The following ROBO2 variants were observed in gnomAD, a reference collection of about 807,000 sequenced individuals.
ROBO2 encodes roundabout homolog 2.
Under a neutral mutation model 160.8 loss-of-function variants are expected in ROBO2, and 53 were observed. The observed-to-expected ratio is 0.33, with a 90% confidence interval of 0.26 to 0.41. The LOEUF (loss-of-function observed/expected upper bound fraction) is 0.41. Among genes scored for constraint, ROBO2 ranks in the 10% least tolerant of loss-of-function variants. ROBO2 has a pLI of 1.00. For synonymous variants in ROBO2, 664 were observed against 611.7 expected, an observed-to-expected ratio of 1.09 and a Z score of -1.26; for missense variants, 1,577 against 1,722.4, an observed-to-expected ratio of 0.92 and a Z score of 1.49.
chr3:76,256,158 A>T (rs1299351563), intron 2 of ROBO2, among the ~76,000 whole-genome samples: 3 of 151,862 alleles, frequency 2.0e-5, no homozygotes, highest in Non-Finnish European at 2.9e-5. Flanking sequence ...ATAATAATAA[A>T]AAATGTCCAG....
At chr3:76,699,927 TG>T (rs1320077643) in intron 2 of ROBO2, among the ~76,000 whole-genome samples, 11 of 152,100 alleles carry the variant, frequency 7.2e-5, no homozygotes, top group Admixed American at 2.6e-4. Flanking sequence ...TGTCTCCTGT[TG>T]AGGCACAGAG....
intron 2 of ROBO2, among the ~76,000 whole-genome samples, chr3:77,220,951 T>C (rs1001468170): frequency 6.6e-6 from 1 of 152,182 alleles, no homozygotes; most frequent in Admixed American, 6.5e-5. Flanking sequence ...AGGAAATAGA[T>C]TGGAAAATAT....
intron 2 of ROBO2, among the ~76,000 whole-genome samples, chr3:77,121,565 A>T (rs1000690763): frequency 1.2e-4 from 19 of 152,214 alleles, no homozygotes; most frequent in Admixed American, 2.6e-4. Flanking sequence ...AATTTCTCCT[A>T]TTTGAATAAA....
intron 2 of ROBO2, among the ~76,000 whole-genome samples, chr3:77,229,329 T>C (rs948939887): frequency 4.6e-5 from 7 of 152,134 alleles, no homozygotes; most frequent in Non-Finnish European, 7.4e-5. Context: ...ACTATAATGC[T>C]AATATTATTA....
intron 2 of ROBO2, among the ~76,000 whole-genome samples, chr3:76,081,837 T>TACACACACAC (rs55705748): frequency 7.0e-4 from 104 of 148,070 alleles, no homozygotes; most frequent in Non-Finnish European, 8.9e-4. Context: ...TGTAAATACA[T>TACACACACAC]ACACACACAC....
intron 2 of ROBO2, among the ~76,000 whole-genome samples, chr3:76,292,159 T>C (rs746002077): frequency 2.0e-5 from 3 of 152,228 alleles, no homozygotes; most frequent in Non-Finnish European, 4.4e-5. Context: ...TACCATTTCT[T>C]GTTGGCTGTC....
intron 16 of ROBO2, among the ~76,000 whole-genome samples, chr3:77,587,397 GA>G (rs939160093): frequency 6.6e-6 from 1 of 152,068 alleles, no homozygotes; most frequent in African/African-American, 2.4e-5. Context: ...GAGAAGCAGT[GA>G]GGTAAACAAG....
chr3:76,928,289 C>G (rs1023097594), intron 2 of ROBO2, among the ~76,000 whole-genome samples: 2 of 152,084 alleles, frequency 1.3e-5, no homozygotes, highest in African/African-American at 2.4e-5. Flanking sequence ...CCCAGAGCTT[C>G]TAGAAAGGAA....
intron 2 of ROBO2, among the ~76,000 whole-genome samples, chr3:77,428,250 A>C (rs935184975): frequency 2.0e-5 from 3 of 151,996 alleles, no homozygotes; most frequent in Non-Finnish European, 4.4e-5. Context: ...ACTGAAATTA[A>C]TGAGGATACA....
intron 2 of ROBO2, among the ~76,000 whole-genome samples, chr3:76,391,766 C>T (rs958892893): frequency 6.6e-6 from 1 of 152,138 alleles, no homozygotes; most frequent in African/African-American, 2.4e-5. Context: ...GTCTCGACCT[C>T]CCAAAGTGCT....
chr3:76,087,725 A>G (rs943122196), intron 2 of ROBO2, among the ~76,000 whole-genome samples: 7 of 152,074 alleles, frequency 4.6e-5, no homozygotes, highest in African/African-American at 1.7e-4. Flanking sequence ...CTAAGTGTAA[A>G]TAAAATGAGT....
chr3:77,439,182 T>C (rs914491683), intron 2 of ROBO2, among the ~76,000 whole-genome samples: 10 of 152,096 alleles, frequency 6.6e-5, no homozygotes, highest in Non-Finnish European at 1.3e-4. Context: ...TTTACTATTA[T>C]CCATTGTCCC....
chr3:76,975,491 G>A (rs2059772796), intron 2 of ROBO2, among the ~76,000 whole-genome samples: 1 of 152,056 alleles, frequency 6.6e-6, no homozygotes, highest in Non-Finnish European at 1.5e-5. Flanking sequence ...GGCGACAGAG[G>A]GAGACTGCGA....
chr3:76,902,504 A>G (rs1432636658), intron 2 of ROBO2, among the ~76,000 whole-genome samples: 1 of 152,104 alleles, frequency 6.6e-6, no homozygotes, highest in Non-Finnish European at 1.5e-5. Flanking sequence ...GATTTTAATC[A>G]AATTTATACA....
intron 2 of ROBO2, among the ~76,000 whole-genome samples, chr3:77,263,386 C>T (rs1384008482): frequency 6.6e-6 from 1 of 152,054 alleles, no homozygotes; most frequent in African/African-American, 2.4e-5. Context: ...GTAATTTTTC[C>T]TGATCCTCTT....
chr3:76,583,280 G>T (rs2085821708), intron 2 of ROBO2, among the ~76,000 whole-genome samples: 1 of 152,080 alleles, frequency 6.6e-6, no homozygotes, highest in Non-Finnish European at 1.5e-5. Flanking sequence ...AATATTCGGT[G>T]GAATAAATGA....
At chr3:76,610,390 C>A (rs75417803) in intron 2 of ROBO2, among the ~76,000 whole-genome samples, 1,746 of 152,276 alleles carry the variant, frequency 0.011, 35 homozygotes, top group African/African-American at 0.039. Context: ...TCAGCAGCTC[C>A]GTGCTCAGCC....
At chr3:76,121,196 A>G (rs2070739722) in intron 2 of ROBO2, among the ~76,000 whole-genome samples, 1 of 152,160 alleles carries the variant, frequency 6.6e-6, no homozygotes, top group African/African-American at 2.4e-5. Context: ...AATCAGTCGA[A>G]TAGAGTCCAT....
intron 2 of ROBO2, among the ~76,000 whole-genome samples, chr3:76,486,415 C>T (rs754832736): frequency 3.3e-5 from 5 of 152,108 alleles, no homozygotes; most frequent in Non-Finnish European, 4.4e-5. Flanking sequence ...GTACAACTGA[C>T]GCACATTGAG....
Sources: gnomAD v4.1 joint callset for allele counts (sites outside exome capture counted in the v4.1 genomes callset) on GRCh38, gnomAD v4.1.1 for gene constraint, MANE v1.5 for transcripts, NCBI Gene and HGNC (gene_info 2026-07-23, HGNC 2026-07-21) for gene names.